ABCB4: variants seen among roughly 807,000 people sequenced by gnomAD.
The protein encoded by ABCB4 is ATP binding cassette subfamily B member 4, also known as phosphatidylcholine translocator ABCB4.
In ABCB4, 76 loss-of-function variants were observed where a neutral mutation model predicts 145.7. The ratio of observed to expected loss-of-function variants is 0.52; its 90% CI spans 0.43 to 0.63. ABCB4 has a LOEUF of 0.63. Ranked by LOEUF, ABCB4 falls within the 30% of genes least tolerant of loss-of-function variation. The pLI is 0.00. For synonymous variants in ABCB4, 517 were observed against 566.8 expected (o/e 0.91, Z 1.25); for missense variants, 1,234 against 1,553.1 (o/e 0.79, Z 3.45).
chr7:87,465,796 G>A (rs6971733), intron 3 of ABCB4, among the ~76,000 whole-genome samples: 3,601 of 152,252 alleles, frequency 0.024, 137 homozygotes, highest in African/African-American at 0.082. Context: ...ACAGGGTCTG[G>A]AGTGGACCTC....
At chr7:87,391,287 C>T in the ABCB4 span, among the ~76,000 whole-genome samples, 6 of 152,178 alleles carry the variant, frequency 3.9e-5, no homozygotes, top group Admixed American at 1.3e-4. Flanking sequence ...GTCTAGCCTG[C>T]GCTCAAAAGT....
chr7:87,406,108 G>A, intron 26 of ABCB4, 180 bp downstream of exon 26: 2 of 658,824 alleles, frequency 3.0e-6, no homozygotes, highest in South Asian at 3.7e-5. Context: ...ATTTGTATGA[G>A]GTAGGCATAA....
chr7:87,463,047 CA>C (rs1393242666), intron 3 of ABCB4, 139 bp from the exon 4 acceptor site: 20 of 699,088 alleles, frequency 2.9e-5, no homozygotes, highest in Non-Finnish European at 1.2e-5. Context: ...AGGAGGCCTT[CA>C]AATCATTAAC....
the ABCB4 span, chr7:87,375,676 G>A: frequency 1.2e-6 from 2 of 1,613,420 alleles, no homozygotes; most frequent in Admixed American, 1.7e-5. Flanking sequence ...GAACCTGATG[G>A]ACCTGGGATT....
intron 4 of ABCB4, among the ~76,000 whole-genome samples, chr7:87,461,635 GT>G (rs1294431801): frequency 3.9e-5 from 6 of 151,932 alleles, no homozygotes; most frequent in Non-Finnish European, 7.4e-5. Flanking sequence ...TTATAAAGAG[GT>G]TTTTTTCAGA....
At position 87,403,691 on chromosome 7, in the gene ABCB4, T is replaced by C. The variant is rs1807970751; in HGVS notation, c.3487-410A>G. Among the ~76,000 whole-genome samples, 6 of 152,368 alleles carry C rather than the reference T, an allele frequency of 3.9e-5. No individual in the cohort carries two copies. In the South Asian group the frequency reaches 1.2e-3, roughly 32 times the overall value. ...AATTTTGTGTTGCACTATGATATTA[T>C]GACAGCTATGTCACTAGGCAATAGG... On this transcript the variant is annotated intron_variant, in intron 26 of 27. Transcript: ENST00000649586.
intron 8 of ABCB4, among the ~76,000 whole-genome samples, chr7:87,449,515 C>G (rs1811565619): frequency 6.6e-6 from 1 of 151,290 alleles, no homozygotes; most frequent in African/African-American, 2.4e-5. Context: ...CTCACTGCAC[C>G]CTTGACATTC....
rs147134978 is a variant in ABCB4, at chr7:87,423,907, G to A, written c.2210C>T (p.Ala737Val). 24 of 1,613,888 alleles carry A rather than the reference G, an allele frequency of 1.5e-5. No individual in the cohort carries two copies. Among genetic ancestry groups the A allele is most frequent in the South Asian group, 4.4e-5 (4 of 91,080 alleles). The part of the protein sequence containing the change: ...AFSVIFSEII[A>V]IFGPGDDAVK... ...GTTATGTGGTGTTTGCAAACTTACC[G>A]CTATGATCTCTGAGAATATGACTGA... The change falls in exon 17 of 28, where the codon GCG (alanine) becomes GTG (valine). Residue 737 changes from alanine (A) to valine (V), a missense_variant and splice_region_variant. This residue lies in a region of ABCB4 where 321 missense variants were observed against 332.6 expected (regional missense o/e 0.97). Coordinates refer to ENST00000649586, the MANE Select transcript of ABCB4 (RefSeq NM_000443.4).
chr7:87,376,633 A>ATT, the ABCB4 span, among the ~76,000 whole-genome samples: 193 of 143,202 alleles, frequency 1.3e-3, 1 homozygote, highest in African/African-American at 3.9e-3. Context: ...AAGGAGAGAG[A>ATT]TTTTTTTTTT....
the ABCB4 span, among the ~76,000 whole-genome samples, chr7:87,383,748 T>C: frequency 6.6e-6 from 1 of 152,044 alleles, no homozygotes; most frequent in Non-Finnish European, 1.5e-5. Context: ...CTGCGTGCCT[T>C]GGCCTCCCAA....
chr7:87,438,339 T>A (rs1294925838), intron 14 of ABCB4, among the ~76,000 whole-genome samples: 1 of 152,216 alleles, frequency 6.6e-6, no homozygotes, highest in Non-Finnish European at 1.5e-5. Flanking sequence ...ATGCATTATA[T>A]TTTGACTCCT....
At chr7:87,453,757 C>G (rs979710938) in intron 5 of ABCB4, among the ~76,000 whole-genome samples, 4 of 152,082 alleles carry the variant, frequency 2.6e-5, no homozygotes, top group Admixed American at 2.6e-4. Flanking sequence ...TTTAACTCCT[C>G]TTTAATAATT....
At chr7:87,445,075 T>C in intron 9 of ABCB4, 100 bp from the exon 10 acceptor site, 2 of 843,156 alleles carry the variant, frequency 2.4e-6, no homozygotes, top group Non-Finnish European at 3.8e-6. Flanking sequence ...AGGATTAAGT[T>C]TAGGTTTATC....
intron 1 of ABCB4, 47 bp from the exon 2 acceptor site, chr7:87,475,518 G>T: frequency 1.0e-5 from 16 of 1,598,398 alleles, no homozygotes; most frequent in Non-Finnish European, 1.3e-5. Flanking sequence ...CTCTCCGGCG[G>T]CCCGGCGCAC....
intron 15 of ABCB4, among the ~76,000 whole-genome samples, chr7:87,431,193 G>A (rs1810191156): frequency 6.6e-6 from 1 of 152,144 alleles, no homozygotes; most frequent in Non-Finnish European, 1.5e-5. Flanking sequence ...CTGTCCTAAG[G>A]AATATATCCA....
At chr7:87,465,008 C>T (rs573462772) in intron 3 of ABCB4, among the ~76,000 whole-genome samples, 19 of 152,304 alleles carry the variant, frequency 1.2e-4, no homozygotes, top group African/African-American at 3.8e-4. Context: ...CATCTCACTG[C>T]GGCTTGTCGG....
chr7:87,418,454 C>T, intron 20 of ABCB4, 83 bp downstream of exon 20: 1 of 1,237,054 alleles, frequency 8.1e-7, no homozygotes, highest in Non-Finnish European at 1.2e-6. Flanking sequence ...TAGCTGGAAG[C>T]ATCTTAACAA....
At chr7:87,422,285 C>G in intron 17 of ABCB4, 60 bp from the exon 18 acceptor site, 1 of 1,307,902 alleles carries the variant, frequency 7.6e-7, no homozygotes, top group Non-Finnish European at 1.1e-6. Context: ...CTTCATTCCT[C>G]TCATAAATAG....
In ABCB4 at chr7:87,469,855, T is replaced by C. The variant is rs1194632659; in HGVS notation, c.135+2766A>G. ...GCTACCAATGACTTTCTTCATAGAATTGGAAAAAACTACTTTAAAGTTAAT... is the reference window on the plus strand; with the variant it reads ...GCTACCAATGACTTTCTTCATAGAACTGGAAAAAACTACTTTAAAGTTAAT... On this transcript the variant is annotated intron_variant, in intron 3 of 27. Coordinates refer to ENST00000649586, the MANE Select transcript of ABCB4 (RefSeq NM_000443.4). Among the ~76,000 whole-genome samples the C allele has an allele frequency of 2.6e-5, 4 of 152,118 alleles. No homozygotes were observed. In the East Asian group the frequency reaches 5.8e-4, roughly 22 times the overall value.
Sources: allele counts gnomAD v4.1 joint callset (sites outside exome capture counted in the v4.1 genomes callset), GRCh38; gene constraint gnomAD v4.1.1; regional missense constraint gnomAD v4.1.1; transcripts MANE v1.5; gene names NCBI Gene and HGNC (gene_info 2026-07-23, HGNC 2026-07-21).